The following TRIM37 variants were observed in gnomAD, a reference collection of about 807,000 sequenced individuals.
TRIM37 encodes E3 ubiquitin-protein ligase TRIM37.
A neutral mutation model predicts 129.8 loss-of-function variants in TRIM37; 80 were observed. That is an observed-to-expected ratio of 0.62 (90% CI 0.51 to 0.74). TRIM37 has a LOEUF of 0.74. TRIM37 is among the 30% of genes least tolerant of loss of function. The probability of loss-of-function intolerance (pLI) is 0.00; values close to 1 mark genes in which losing one functional copy is unlikely to be tolerated. For missense variants in TRIM37, 1,054 were observed against 1,176.5 expected (o/e 0.90, Z 1.52); for synonymous variants, 389 against 387.1 (o/e 1.00, Z -0.06).
At chr17:59,064,286 C>T in intron 10 of TRIM37, 69 bp downstream of exon 10, 2 of 1,237,226 alleles carry the variant, frequency 1.6e-6, no homozygotes, top group Non-Finnish European at 2.3e-6. Flanking sequence ...ACTGTCTTAC[C>T]AAAGAATACC....
intron 24 of TRIM37, among the ~76,000 whole-genome samples, chr17:58,992,489 T>C (rs887807429): frequency 6.6e-6 from 1 of 151,960 alleles, no homozygotes; most frequent in African/African-American, 2.4e-5. Flanking sequence ...CAAGTGATTC[T>C]TCTGCCTCAG....
intron 13 of TRIM37, 83 bp from the exon 14 acceptor site, chr17:59,051,411 TA>T: frequency 1.0e-6 from 1 of 970,496 alleles, no homozygotes; most frequent in Non-Finnish European, 1.6e-6. Context: ...CAATTTGGGT[TA>T]ACTTGATTAT....
chr17:58,989,781 TAGA>T (rs1407179730), intron 24 of TRIM37, among the ~76,000 whole-genome samples: 2 of 152,044 alleles, frequency 1.3e-5, no homozygotes, highest in East Asian at 1.9e-4. Context: ...ACTAGAATCC[TAGA>T]AGGAGAAGAG....
chr17:58,994,599 T>C (rs2032785944), downstream of TRIM37, among the ~76,000 whole-genome samples: 1 of 152,020 alleles, frequency 6.6e-6, no homozygotes, highest in African/African-American at 2.4e-5. Context: ...AAACAAAGTA[T>C]CCAGGAGGAT....
intron 2 of TRIM37, among the ~76,000 whole-genome samples, chr17:59,102,215 C>T (rs9903702): frequency 0.011 from 1,606 of 152,156 alleles, 34 homozygotes; most frequent in African/African-American, 0.036. Context: ...CCAGAAACCT[C>T]AGAGTAGAGA....
At chr17:58,982,956 T>G (rs747617027) in intron 24 of TRIM37, 2 of 1,558,268 alleles carry the variant, frequency 1.3e-6, no homozygotes, top group East Asian at 2.3e-5. Context: ...AGCAGACTAT[T>G]GGTACACATT....
intron 24 of TRIM37, among the ~76,000 whole-genome samples, chr17:58,990,913 G>T (rs542899443): frequency 6.6e-6 from 1 of 151,604 alleles, no homozygotes; most frequent in African/African-American, 2.4e-5. Context: ...GGTGGCTCAC[G>T]GCTATAATCC....
intron 2 of TRIM37, 49 bp downstream of exon 2, chr17:59,104,244 C>CA: frequency 6.6e-7 from 1 of 1,516,850 alleles, no homozygotes; most frequent in Non-Finnish European, 9.1e-7. Flanking sequence ...TTAATCCTTA[C>CA]AATATATACT....
At chr17:58,977,440 C>CAAAAA in the TRIM37 span, among the ~76,000 whole-genome samples, 2 of 62,104 alleles carry the variant, frequency 3.2e-5, no homozygotes, top group African/African-American at 1.2e-4. Flanking sequence ...GACTCTGTCT[C>CAAAAA]AAAAAAAAAA....
At chr17:59,061,402 C>T (rs569570905) in intron 11 of TRIM37, among the ~76,000 whole-genome samples, 2 of 151,434 alleles carry the variant, frequency 1.3e-5, no homozygotes, top group East Asian at 1.9e-4. Flanking sequence ...AAAAACAAGA[C>T]CCTAATGGGA....
chr17:58,997,357 G>A (rs116210002), downstream of TRIM37, among the ~76,000 whole-genome samples: 1 of 152,108 alleles, frequency 6.6e-6, no homozygotes, highest in African/African-American at 2.4e-5. Flanking sequence ...TTAGGTATCA[G>A]AATGTTGGGT....
chr17:59,102,035 C>T (rs1328749602), intron 2 of TRIM37, among the ~76,000 whole-genome samples: 3 of 151,912 alleles, frequency 2.0e-5, no homozygotes, highest in East Asian at 3.8e-4. Context: ...AACTTAGAAT[C>T]GGTTTGAGAA....
intron 22 of TRIM37, among the ~76,000 whole-genome samples, chr17:59,002,768 T>C (rs2033939836): frequency 6.6e-6 from 1 of 152,202 alleles, no homozygotes; most frequent in Non-Finnish European, 1.5e-5. Flanking sequence ...GGGACCACAG[T>C]TGCCCTGGAG....
chr17:59,035,702 G>A (rs574384304), intron 17 of TRIM37, among the ~76,000 whole-genome samples: 30 of 151,968 alleles, frequency 2.0e-4, no homozygotes, highest in African/African-American at 6.7e-4. Context: ...AGCTGAGATC[G>A]TGCCACTGCA....
intron 11 of TRIM37, among the ~76,000 whole-genome samples, chr17:59,062,351 T>C (rs573552872): frequency 6.6e-6 from 1 of 152,300 alleles, no homozygotes; most frequent in East Asian, 1.9e-4. Context: ...GGGAACATTG[T>C]TTCCAATAGG....
At chr17:59,080,808 A>T (rs530922545) in intron 6 of TRIM37, among the ~76,000 whole-genome samples, 1 of 152,222 alleles carries the variant, frequency 6.6e-6, no homozygotes, top group African/African-American at 2.4e-5. Flanking sequence ...AAGAAAAAAT[A>T]AGTTAATTAT....
At chr17:58,985,940 A>G (rs1357600549) in intron 24 of TRIM37, among the ~76,000 whole-genome samples, 1 of 152,220 alleles carries the variant, frequency 6.6e-6, no homozygotes, top group Non-Finnish European at 1.5e-5. Flanking sequence ...ATGACAGAAA[A>G]GGAACATTTT....
intron 7 of TRIM37, among the ~76,000 whole-genome samples, chr17:59,077,155 C>T (rs1468753990): frequency 1.3e-4 from 20 of 152,064 alleles, no homozygotes; most frequent in South Asian, 6.2e-4. Context: ...AGTATAGTGG[C>T]GTGATCTCGG....
intron 17 of TRIM37, among the ~76,000 whole-genome samples, chr17:59,035,755 A>C (rs753954556): frequency 2.6e-5 from 4 of 151,906 alleles, no homozygotes; most frequent in African/African-American, 4.8e-5. Flanking sequence ...AAACAAAAAA[A>C]CAAAAAACCA....
Sources: allele counts gnomAD v4.1 joint callset (sites outside exome capture counted in the v4.1 genomes callset), GRCh38; gene constraint gnomAD v4.1.1; transcripts MANE v1.5; gene names NCBI Gene and HGNC (gene_info 2026-07-23, HGNC 2026-07-21).